DNAJC6: variants seen among roughly 807,000 people sequenced by gnomAD.
The protein encoded by DNAJC6 is DnaJ heat shock protein family (Hsp40) member C6, also known as auxilin.
Under a neutral mutation model 110.0 loss-of-function variants are expected in DNAJC6, and 34 were observed. That is an observed-to-expected ratio of 0.31 (90% CI 0.24 to 0.41). DNAJC6 has a LOEUF of 0.41. Ranked by LOEUF, DNAJC6 falls within the 10% of genes least tolerant of loss-of-function variation. The pLI, the probability that DNAJC6 is intolerant of heterozygous loss-of-function variation, is 1.00. For missense variants in DNAJC6, 1,031 were observed against 1,207.8 expected (o/e 0.85, Z 2.17); for synonymous variants, 406 against 437.2 (o/e 0.93, Z 0.89).
rs1570356101 is a variant in DNAJC6, at chr1:65,383,937, C to G, written c.667-256C>G. 9.4e-6 allele frequency: 3 copies of G among 320,726 alleles called. No homozygotes were observed. The East Asian group carries it at 1.5e-4, about 16-fold the overall frequency. The allele number at this position is 320,726 out of a possible 1,614,324, so 19.9% of individuals were successfully genotyped here. On this transcript the variant is annotated intron_variant, in intron 5 of 18. Transcript: ENST00000371069. Reference sequence around the variant, plus strand: ...ACTTTGAAGATTATATTATTTTTCACCAAATATATACAAATCAAATTGGGC... The same window carrying G: ...ACTTTGAAGATTATATTATTTTTCAGCAAATATATACAAATCAAATTGGGC...
At chr1:65,372,623 A>G (rs1645718431) in intron 4 of DNAJC6, among the ~76,000 whole-genome samples, 1 of 152,146 alleles carries the variant, frequency 6.6e-6, no homozygotes. Context: ...TATACTTTAC[A>G]CACTAGATAA....
At chr1:65,343,074 C>T (rs1175254622) in intron 1 of DNAJC6, among the ~76,000 whole-genome samples, 1 of 152,174 alleles carries the variant, frequency 6.6e-6, no homozygotes, top group Admixed American at 6.5e-5. Flanking sequence ...GAGCATCATT[C>T]ACCTTTGCGG....
intron 1 of DNAJC6, 49 bp downstream of exon 1, chr1:65,309,987 G>T: frequency 5.9e-6 from 8 of 1,362,356 alleles, no homozygotes; most frequent in Non-Finnish European, 7.6e-6. Context: ...GCGGCCTCCG[G>T]AGCCTCCCAG....
At chr1:65,281,038 C>T (rs776292247) in intron 1 of DNAJC6, among the ~76,000 whole-genome samples, 1 of 152,086 alleles carries the variant, frequency 6.6e-6, no homozygotes, top group African/African-American at 2.4e-5. Context: ...TGGGTTCAAG[C>T]AGTTCTTGTG....
chr1:65,323,801 G>C (rs570340582), intron 1 of DNAJC6, among the ~76,000 whole-genome samples: 1 of 152,166 alleles, frequency 6.6e-6, no homozygotes, highest in Admixed American at 6.5e-5. Context: ...ATGTTGCCCA[G>C]GTTGGTCTCA....
rs1428472901 is a variant in DNAJC6, at chr1:65,413,761, C to T, written c.*736C>T. 1 of 152,206 alleles carries T rather than the reference C, an allele frequency of 6.6e-6. No homozygotes were observed. Among genetic ancestry groups the T allele is most frequent in the African/African-American group, 2.4e-5 (1 of 41,438 alleles). 9.4% of individuals were successfully genotyped at this position (152,206 alleles called of 1,614,324 possible). On this transcript the variant is annotated 3_prime_UTR_variant, in exon 19 of 19. Transcript: ENST00000371069. Reference sequence around the variant, plus strand: ...GGAAGGTGGGCCGCTACCCTTCTTTCCCTTTAGAAAACTGTGATTAATTAA... The same window carrying T: ...GGAAGGTGGGCCGCTACCCTTCTTTTCCTTTAGAAAACTGTGATTAATTAA...
Position 65,414,706 on chromosome 1 carries a change from A to G in DNAJC6, c.*1681A>G, listed in dbSNP as rs914585413. On this transcript the variant is annotated 3_prime_UTR_variant, in exon 19 of 19. Coordinates refer to ENST00000371069, the MANE Select transcript of DNAJC6 (RefSeq NM_001256864.2). ...ATACAGTCATAAACTGTTCAAGGTAACCATAACAAACTAGGTGTTATTTAT... is the reference window on the plus strand; with the variant it reads ...ATACAGTCATAAACTGTTCAAGGTAGCCATAACAAACTAGGTGTTATTTAT... The G allele has an allele frequency of 3.9e-5, 6 of 152,654 alleles. No homozygotes were observed. Among genetic ancestry groups the G allele is most frequent in the African/African-American group, 1.4e-4 (6 of 41,460 alleles). 9.5% of individuals were successfully genotyped at this position (152,654 alleles called of 1,614,324 possible).
Position 65,356,735 on chromosome 1 carries a change from A to C in DNAJC6, c.194-7900A>C, listed in dbSNP as rs547303019. Reference sequence around the variant, plus strand: ...TGTAGAAAAGTTTTTGTTCTTAATTAGTTCCAGTTTATAGGGTGGGGAGTT... The same window carrying C: ...TGTAGAAAAGTTTTTGTTCTTAATTCGTTCCAGTTTATAGGGTGGGGAGTT... On this transcript the variant is annotated intron_variant, in intron 1 of 18. Transcript: ENST00000371069. 1.9e-3 allele frequency among the ~76,000 whole-genome samples: 284 copies of C among 152,150 alleles called. 1 individual carries two copies. Among genetic ancestry groups the C allele is most frequent in the African/African-American group, 6.6e-3 (272 of 41,504 alleles).
At position 65,386,843 on chromosome 1, in the gene DNAJC6, A is replaced by G. The variant is rs541151417; in HGVS notation, c.1027A>G (p.Ile343Val). Residue 343 changes from isoleucine to valine, a missense_variant, in exon 8 of 19, where the codon ATT (isoleucine) becomes GTT (valine). Coordinates refer to ENST00000371069, the MANE Select transcript of DNAJC6 (RefSeq NM_001256864.2). ...TCGTGTCCAAGATGGAAAAATCTTC[A>G]TTCCCTTGAACATCACTGTGCAAGG... is the stretch of plus-strand genomic sequence containing the variant. ...EYRVQDGKIFIPLNITVQGDV... is the reference protein window; with the variant it reads ...EYRVQDGKIFVPLNITVQGDV... 6.2e-7 allele frequency: 1 copy of G among 1,614,138 alleles called. No individual in the cohort carries two copies. Among genetic ancestry groups the G allele is most frequent in the East Asian group, 2.2e-5 (1 of 44,872 alleles).
intron 1 of DNAJC6, among the ~76,000 whole-genome samples, chr1:65,282,910 A>G (rs1474928719): frequency 6.6e-6 from 1 of 152,222 alleles, no homozygotes; most frequent in East Asian, 1.9e-4. Context: ...CCTGGCATAC[A>G]TGAGTCATTC....
rs1161294002 is a variant in DNAJC6, at chr1:65,366,117, T to G, written c.464T>G (p.Leu155Trp). ...RNQVDDIRSF[L>W]DSRHLDHYTV... ...CAGGTTGATGACATTCGAAGCTTTT[T>G]GGATTCCAGACATCTTGACCACTAC... Residue 155 changes from leucine to tryptophan, a missense_variant, in exon 4 of 19, where the codon TTG becomes TGG. Leu to Trp is a moderately conservative substitution (Grantham distance 61). Transcript: ENST00000371069. The G allele has an allele frequency of 1.2e-6, 2 of 1,613,926 alleles. No individual in the cohort carries two copies.
intron 1 of DNAJC6, among the ~76,000 whole-genome samples, chr1:65,300,157 A>T (rs1424258422): frequency 6.6e-6 from 1 of 152,168 alleles, no homozygotes; most frequent in Non-Finnish European, 1.5e-5. Context: ...TAACAGTGGC[A>T]AAATAATAAC....
At chr1:65,336,919 A>G (rs866120071) in intron 1 of DNAJC6, among the ~76,000 whole-genome samples, 14 of 152,296 alleles carry the variant, frequency 9.2e-5, no homozygotes, top group Admixed American at 2.0e-4. Context: ...TGTTTGAACC[A>G]GGATCCAAAT....
At chr1:65,411,578 A>G (rs1243657757) in intron 18 of DNAJC6, 152 bp downstream of exon 18, 11 of 727,140 alleles carry the variant, frequency 1.5e-5, no homozygotes, top group African/African-American at 3.6e-5. Flanking sequence ...ACAAATAGTT[A>G]TACTTTATGA....
chr1:65,342,953 A>G (rs1022526866), intron 1 of DNAJC6, among the ~76,000 whole-genome samples: 2 of 152,132 alleles, frequency 1.3e-5, no homozygotes, highest in Non-Finnish European at 2.9e-5. Flanking sequence ...TGCATTCTCA[A>G]TTTTGCGTTG....
intron 1 of DNAJC6, among the ~76,000 whole-genome samples, chr1:65,339,411 A>C (rs1425826674): frequency 1.3e-5 from 2 of 152,342 alleles, no homozygotes; most frequent in East Asian, 3.9e-4. Context: ...CCTCTGCAAG[A>C]AAGTGAGCCT....
upstream of DNAJC6, among the ~76,000 whole-genome samples, chr1:65,308,080 AT>A (rs1645061430): frequency 6.6e-6 from 1 of 152,140 alleles, no homozygotes; most frequent in Non-Finnish European, 1.5e-5. Flanking sequence ...TCTTAGTCCA[AT>A]TTATTTTATG....
intron 1 of DNAJC6, among the ~76,000 whole-genome samples, chr1:65,330,616 C>T (rs1023242447): frequency 2.0e-5 from 3 of 152,032 alleles, no homozygotes; most frequent in Admixed American, 6.6e-5. Context: ...CTACAGGCGC[C>T]GCCACCATGC....
intron 8 of DNAJC6, 75 bp from the exon 9 acceptor site, chr1:65,388,261 C>T: frequency 7.5e-7 from 1 of 1,325,352 alleles, no homozygotes; most frequent in African/African-American, 1.4e-5. Flanking sequence ...GTGCATGTCT[C>T]CCCAAAATCT....
Sources: allele counts gnomAD v4.1 joint callset (sites outside exome capture counted in the v4.1 genomes callset), GRCh38; gene constraint gnomAD v4.1.1; transcripts MANE v1.5; gene names NCBI Gene and HGNC (gene_info 2026-07-23, HGNC 2026-07-21).